Variants in FAT2 observed in about 807,000 individuals in gnomAD.
The protein encoded by FAT2 is FAT atypical cadherin 2.
In FAT2, 150 loss-of-function variants were observed where a neutral mutation model predicts 295.3. The ratio of observed to expected loss-of-function variants is 0.51; its 90% CI spans 0.44 to 0.58. The LOEUF (loss-of-function observed/expected upper bound fraction) is 0.58. Among genes scored for constraint, FAT2 ranks in the 20% least tolerant of loss-of-function variants. The pLI is 0.00. For synonymous variants in FAT2, 2,026 were observed against 2,150.3 expected (o/e 0.94, Z 1.60); for missense variants, 4,868 against 5,442.7 (o/e 0.89, Z 3.32).
rs1758263178 is a variant in FAT2, at chr5:151,566,369, C to T, written c.2563G>A (p.Val855Ile). Residue 855 changes from valine (V) to isoleucine (I), a missense_variant, in exon 2 of 24, where the codon GTT becomes ATT. By Grantham distance (29) the Val-to-Ile change is conservative. Around this residue, in one of 5 missense-constraint regions of FAT2, gnomAD observed 3,297 missense variants for 3,669.4 expected, o/e 0.90. Coordinates refer to ENST00000261800, the MANE Select transcript of FAT2 (RefSeq NM_001447.3). ...GTGGGACTTAGCAGGGTGTAGCGAA[C>T]CCTGCCATTGTCTTCCGAGTCAGCA... Reference protein sequence around the residue: ...KDADSEDNGRVRYTLLSPTEK... With the variant: ...KDADSEDNGRIRYTLLSPTEK... The T allele has an allele frequency of 6.2e-7, 1 of 1,614,028 alleles. No individual in the cohort carries two copies. The highest frequency in any genetic ancestry group is 8.5e-7 in the Non-Finnish European group (1 of 1,179,976).
rs1003526534 is a variant in FAT2 at position 151,529,055 on chromosome 5, T to C, written c.10026+123A>G. The stretch of plus-strand genomic sequence containing the variant: ...CACATAAACCTCTGACAAGTCAGAG[T>C]CAAGTCTACAGTGTATTAACTTAAT... On this transcript the variant is annotated intron_variant, in intron 15 of 23. Transcript: ENST00000261800. 6.4e-6 allele frequency: 5 copies of C among 777,398 alleles called. No individual in the cohort carries two copies. The African/African-American group carries it at 6.9e-5, about 11-fold the overall frequency. 48.2% of individuals were successfully genotyped at this position (777,398 alleles called of 1,614,324 possible).
At chr5:151,562,738 C>T (rs1758071468) in intron 3 of FAT2, among the ~76,000 whole-genome samples, 1 of 152,232 alleles carries the variant, frequency 6.6e-6, no homozygotes, top group African/African-American at 2.4e-5. Flanking sequence ...TCAAACAAAA[C>T]ACCTCTAAGA....
At position 151,505,517 on chromosome 5, in the gene FAT2, C is replaced by CAAG; in HGVS notation, c.*45_*47dup. 6.2e-7 allele frequency: 1 copy of CAAG among 1,608,096 alleles called. No individual in the cohort carries two copies. The highest frequency in any genetic ancestry group is 8.5e-7 in the Non-Finnish European group (1 of 1,177,858). On this transcript the variant is annotated 3_prime_UTR_variant, in exon 24 of 24. Transcript: ENST00000261800. ...CCCTACGAGACAGGAAGAAATAAGC[C>CAAG]AAGTCCAGTCCTTGGCCTCCCGCCT...
intron 1 of FAT2, among the ~76,000 whole-genome samples, chr5:151,579,183 T>C (rs1321350084): frequency 6.6e-6 from 1 of 152,210 alleles, no homozygotes; most frequent in African/African-American, 2.4e-5. Flanking sequence ...AGAGATCTAT[T>C]GTACAACATG....
intron 12 of FAT2, 114 bp downstream of exon 12, chr5:151,537,679 T>C: frequency 4.8e-6 from 5 of 1,045,224 alleles, no homozygotes; most frequent in Non-Finnish European, 6.9e-6. Flanking sequence ...CAATATATGT[T>C]TGCTGATAGA....
intron 1 of FAT2, among the ~76,000 whole-genome samples, chr5:151,577,477 A>G (rs187081441): frequency 6.6e-6 from 1 of 152,362 alleles, no homozygotes; most frequent in Non-Finnish European, 1.5e-5. Context: ...GAGAGACAAT[A>G]AACAAGAAAA....
chr5:151,570,238 G>T (rs928481926), intron 1 of FAT2, among the ~76,000 whole-genome samples: 3 of 152,176 alleles, frequency 2.0e-5, no homozygotes, highest in African/African-American at 7.2e-5. Flanking sequence ...TTCACCACAT[G>T]TCCCTTATAG....
Position 151,512,770 on chromosome 5 carries a change from CT to C in FAT2, c.11464-165del, listed in dbSNP as rs1761421327. The stretch of plus-strand genomic sequence containing the variant: ...GCAGAGCATAAAAACCCTCAAAGTG[CT>C]TTTGTGTTGATGGTCTCCTTTGTTC... On this transcript the variant is annotated intron_variant, in intron 20 of 23. Transcript: ENST00000261800. The surrounding 1 kb of genome is among the most constrained non-coding windows in gnomAD (Gnocchi z 4.1). 2.1e-5 allele frequency: 14 copies of C among 654,198 alleles called. No homozygotes were observed. Among genetic ancestry groups the C allele is most frequent in the Admixed American group, 2.9e-5 (1 of 34,222 alleles). 40.5% of individuals were successfully genotyped at this position (654,198 alleles called of 1,614,324 possible). A position where few individuals can be genotyped will look rare whatever the true frequency, so the allele number is the denominator to read the frequency against.
intron 12 of FAT2, 54 bp downstream of exon 12, chr5:151,537,739 C>T (rs1755604890): frequency 6.5e-7 from 1 of 1,549,584 alleles, no homozygotes; most frequent in Non-Finnish European, 8.8e-7. Context: ...GCACTGGGCA[C>T]TTGGTATTCA....
At chr5:151,553,705 T>C (rs1757432766) in intron 5 of FAT2, among the ~76,000 whole-genome samples, 1 of 152,240 alleles carries the variant, frequency 6.6e-6, no homozygotes, top group Admixed American at 6.5e-5. Context: ...TGCCCTTTGC[T>C]TTTCCCAACT....
rs200704148 is a variant in FAT2 at position 151,565,900 on chromosome 5, C to T, written c.3032G>A (p.Arg1011Lys). Residue 1011 changes from arginine to lysine, a missense_variant, in exon 2 of 24, where the codon AGG (arginine) becomes AAG (lysine). Transcript: ENST00000261800. ...GATCACCTCCACATGGCAGAGAGTC[C>T]TGCGGGCTAGGGGCCTCCCACCATC... Reference protein sequence around the residue: ...ASDGGRPLARRTLCHVEVIVL... With the variant: ...ASDGGRPLARKTLCHVEVIVL... 7 of 1,613,970 alleles carry T rather than the reference C, an allele frequency of 4.3e-6. No homozygotes were observed. The highest frequency in any genetic ancestry group is 5.9e-6 in the Non-Finnish European group (7 of 1,180,020).
chr5:151,549,862 A>G (rs1177133862), intron 8 of FAT2, among the ~76,000 whole-genome samples: 1 of 152,226 alleles, frequency 6.6e-6, no homozygotes, highest in African/African-American at 2.4e-5. Flanking sequence ...TTTGGGGAGC[A>G]CTGAATTAAA....
chr5:151,593,495 C>T (rs963588555), upstream of FAT2, among the ~76,000 whole-genome samples: 11 of 152,300 alleles, frequency 7.2e-5, no homozygotes, highest in South Asian at 2.3e-3. Context: ...GCCCCAGGAC[C>T]TTTCTGGTGG....
Position 151,544,676 on chromosome 5 carries a change from G to C in FAT2, c.6451C>G (p.Pro2151Ala), listed in dbSNP as rs375761751. Residue 2151 changes from proline to alanine, a missense_variant, in exon 10 of 24, where the codon CCA (proline) becomes GCA (alanine). Pro to Ala is a conservative substitution (Grantham distance 27, BLOSUM62 -1). This residue lies in a region of FAT2 where 3,297 missense variants were observed against 3,669.4 expected (regional missense o/e 0.90). Coordinates refer to ENST00000261800, the MANE Select transcript of FAT2 (RefSeq NM_001447.3). ...ACCTCTTCCTCACTCTGGAGGGATGGCGTTCCTCCATCCCGAGCAATGACT... is the reference window on the plus strand; with the variant it reads ...ACCTCTTCCTCACTCTGGAGGGATGCCGTTCCTCCATCCCGAGCAATGACT... ...LKVIARDGGT[P>A]SLQSEEEVLV... is the part of the protein sequence containing the mutation. 6.2e-7 allele frequency: 1 copy of C among 1,613,942 alleles called. No homozygotes were observed. The highest frequency in any genetic ancestry group is 1.3e-5 in the African/African-American group (1 of 74,898).
intron 17 of FAT2, among the ~76,000 whole-genome samples, chr5:151,526,504 A>G (rs565713411): frequency 2.0e-4 from 30 of 152,358 alleles, no homozygotes; most frequent in Non-Finnish European, 3.8e-4. Context: ...TTAGTATACT[A>G]TAACACAATG....
intron 3 of FAT2, among the ~76,000 whole-genome samples, chr5:151,563,059 T>C (rs1454494609): frequency 6.6e-6 from 1 of 152,152 alleles, no homozygotes; most frequent in African/African-American, 2.4e-5. Context: ...GACAGATCCT[T>C]TTCATTTTCA....
In FAT2 at chr5:151,566,421, G is replaced by T. The variant is rs528461670; in HGVS notation, c.2511C>A (p.Thr837=). 6 of 1,613,426 alleles carry T rather than the reference G, an allele frequency of 3.7e-6. No individual in the cohort carries two copies. The South Asian group carries it at 6.6e-5, about 18-fold the overall frequency. ...CTTTGGTTGTCAGCTCTGCAATTGT[G>T]GTTCCAACTTCTGTGTCCTCCGAGA... ...LTISEDTEVG[T]TIAELTTKDA... The change falls in exon 2 of 24, where the codon ACC becomes ACA. Residue 837 remains threonine, a synonymous_variant. Coordinates refer to ENST00000261800, the MANE Select transcript of FAT2 (RefSeq NM_001447.3).
In FAT2 at chr5:151,531,465, C is replaced by T. The variant is rs1434447553; in HGVS notation, c.9811+122G>A. Reference sequence around the variant, plus strand: ...AGAGAAGCAGAAGAGAATGGAGAAACGACCAGAGGAGGTCTGCTCTGGGAG... The same window carrying T: ...AGAGAAGCAGAAGAGAATGGAGAAATGACCAGAGGAGGTCTGCTCTGGGAG... On this transcript the variant is annotated intron_variant, in intron 14 of 23. Coordinates refer to ENST00000261800, the MANE Select transcript of FAT2 (RefSeq NM_001447.3). This position sits in a 1 kb window ranked among gnomAD's most constrained non-coding sequence, Gnocchi z 5.7. 8 of 1,322,776 alleles carry T rather than the reference C, an allele frequency of 6.0e-6. No individual in the cohort carries two copies. The highest frequency in any genetic ancestry group is 2.5e-5 in the East Asian group (1 of 40,292). 81.9% of individuals were successfully genotyped at this position (1,322,776 alleles called of 1,614,324 possible). A position where few individuals can be genotyped will look rare whatever the true frequency, so the allele number is the denominator to read the frequency against.
chr5:151,592,121 T>C (rs4958462), upstream of FAT2, among the ~76,000 whole-genome samples: 109,572 of 152,088 alleles, frequency 0.72, 39,589 homozygotes, highest in South Asian at 0.81. Context: ...GCCTTGGCTT[T>C]GATGCGTTTT....
Sources: gnomAD v4.1 joint callset for allele counts (sites outside exome capture counted in the v4.1 genomes callset) on GRCh38, gnomAD v4.1.1 for gene constraint, gnomAD v4.1.1 regional missense constraint, Gnocchi (gnomAD v3.1) non-coding constraint, MANE v1.5 for transcripts, NCBI Gene and HGNC (gene_info 2026-07-23, HGNC 2026-07-21) for gene names.